IGSF21: variants seen among roughly 807,000 people sequenced by gnomAD.
IGSF21 encodes the protein immunoglobin superfamily member 21.
Under a neutral mutation model 46.8 loss-of-function variants are expected in IGSF21, and 28 were observed. The ratio of observed to expected loss-of-function variants is 0.60; its 90% confidence interval spans 0.44 to 0.82. The LOEUF is 0.82. Ranked by LOEUF, IGSF21 falls within the 40% of genes least tolerant of loss-of-function variation. The pLI is 0.00. For synonymous variants in IGSF21, 284 were observed against 273.6 expected (o/e 1.04, Z -0.38); for missense variants, 624 against 665.5 (o/e 0.94, Z 0.69).
At chr1:18,156,375 C>A (rs759219178) in intron 1 of IGSF21, among the ~76,000 whole-genome samples, 5 of 152,202 alleles carry the variant, frequency 3.3e-5, no homozygotes, top group Admixed American at 3.3e-4. Context: ...GCCCACTCTG[C>A]GTCTCCTCCT....
intron 3 of IGSF21, among the ~76,000 whole-genome samples, chr1:18,293,044 A>C (rs541807288): frequency 3.9e-5 from 6 of 152,336 alleles, no homozygotes; most frequent in Admixed American, 3.9e-4. Flanking sequence ...CTGTGGCACC[A>C]TGCTATGTGG....
chr1:18,378,474 A>G lies in IGSF21; in HGVS notation c.*148A>G, dbSNP rs2086309801. 4.4e-6 allele frequency: 3 copies of G among 676,488 alleles called. No homozygotes were observed. Among genetic ancestry groups the G allele is most frequent in the African/African-American group, 1.8e-5 (1 of 55,208 alleles). The allele number at this position is 676,488 out of a possible 1,614,324, so 41.9% of individuals were successfully genotyped here. On this transcript the variant is annotated 3_prime_UTR_variant, in exon 10 of 10. Coordinates refer to ENST00000251296, the MANE Select transcript of IGSF21 (RefSeq NM_032880.5). ...CGGTTTAATTAAAACAAACAGAACA[A>G]TTTTCCCCACCTCGGTTTGTGGCTC...
chr1:18,348,295 T>A (rs2085915392), intron 4 of IGSF21, among the ~76,000 whole-genome samples: 3 of 152,194 alleles, frequency 2.0e-5, no homozygotes, highest in Admixed American at 2.0e-4. Flanking sequence ...GCTTCTGGAA[T>A]TATCTAGGCA....
chr1:18,336,510 C>G (rs1569834724), intron 4 of IGSF21, among the ~76,000 whole-genome samples: 4 of 152,330 alleles, frequency 2.6e-5, no homozygotes, highest in East Asian at 1.9e-4. Context: ...CCTATGATAT[C>G]AGGCAGCTCA....
intron 3 of IGSF21, among the ~76,000 whole-genome samples, chr1:18,305,100 T>A (rs752987632): frequency 6.6e-6 from 1 of 152,130 alleles, no homozygotes; most frequent in Non-Finnish European, 1.5e-5. Flanking sequence ...CCTGGGAAAG[T>A]AAGGCTGAGA....
intron 2 of IGSF21, among the ~76,000 whole-genome samples, chr1:18,282,960 A>G (rs929321384): frequency 2.0e-5 from 3 of 152,188 alleles, no homozygotes; most frequent in Non-Finnish European, 2.9e-5. Context: ...CTACGGATGC[A>G]CAGATGCACA....
intron 2 of IGSF21, among the ~76,000 whole-genome samples, chr1:18,266,077 G>A (rs2084986981): frequency 6.6e-6 from 1 of 152,114 alleles, no homozygotes; most frequent in South Asian, 2.1e-4. Flanking sequence ...TACCCTGCAG[G>A]CTCTGGAATA....
intron 1 of IGSF21, among the ~76,000 whole-genome samples, chr1:18,203,370 G>A (rs906090217): frequency 3.3e-5 from 5 of 152,112 alleles, no homozygotes; most frequent in East Asian, 1.9e-4. Flanking sequence ...GTGCAGTGGC[G>A]CGATCTTGGC....
rs767046663 is a variant in IGSF21, at chr1:18,334,912, C to T, written c.326C>T (p.Ser109Leu). 5.6e-6 allele frequency: 9 copies of T among 1,614,100 alleles called. No individual in the cohort carries two copies. The highest frequency in any genetic ancestry group is 5.9e-6 in the Non-Finnish European group (7 of 1,179,956). The change falls in exon 4 of 10, where the codon TCA becomes TTA. Residue 109 changes from serine (S) to leucine (L), a missense_variant. Transcript: ENST00000251296. This position sits in a 1 kb window ranked among gnomAD's most constrained non-coding sequence, Gnocchi z 4.3. The part of the protein sequence containing the change: ...STVRLPEVRI[S>L]DNGPYECHVG... Reference sequence around the variant, plus strand: ...CCCAGGCTGCCCGAGGTCCGGATCTCAGACAATGGTCCCTATGAGTGCCAT... The same window carrying T: ...CCCAGGCTGCCCGAGGTCCGGATCTTAGACAATGGTCCCTATGAGTGCCAT...
chr1:18,363,075 A>G (rs2086119397), intron 5 of IGSF21, among the ~76,000 whole-genome samples: 1 of 152,202 alleles, frequency 6.6e-6, no homozygotes, highest in African/African-American at 2.4e-5. Context: ...AAAAGTGAAG[A>G]GAGGCCAAGT....
At chr1:18,186,593 A>G (rs1226536131) in intron 1 of IGSF21, among the ~76,000 whole-genome samples, 1 of 152,178 alleles carries the variant, frequency 6.6e-6, no homozygotes, top group Non-Finnish European at 1.5e-5. Flanking sequence ...TTGTCCTTTT[A>G]GAATCCACTC....
chr1:18,209,718 G>A (rs549325868), intron 1 of IGSF21, among the ~76,000 whole-genome samples: 98 of 150,692 alleles, frequency 6.5e-4, no homozygotes, highest in African/African-American at 2.2e-3. Context: ...CCTTGGCCTC[G>A]TAAAGTGCTG....
chr1:18,294,614 A>C (rs573093069), intron 3 of IGSF21, among the ~76,000 whole-genome samples: 1 of 152,358 alleles, frequency 6.6e-6, no homozygotes, highest in East Asian at 1.9e-4. Context: ...CTGAGGTCAC[A>C]CAGCGGCCCT....
At chr1:18,221,822 G>A (rs1003420961) in intron 1 of IGSF21, among the ~76,000 whole-genome samples, 1 of 152,134 alleles carries the variant, frequency 6.6e-6, no homozygotes, top group African/African-American at 2.4e-5. Context: ...GTAATTGGTG[G>A]ATTTGCTTCT....
intron 1 of IGSF21, among the ~76,000 whole-genome samples, chr1:18,164,617 G>A (rs534091320): frequency 2.7e-4 from 41 of 152,194 alleles, no homozygotes; most frequent in African/African-American, 8.7e-4. Flanking sequence ...TTAACTGATC[G>A]TGAAGGAGGT....
intron 1 of IGSF21, among the ~76,000 whole-genome samples, chr1:18,212,658 C>T (rs2084404090): frequency 6.6e-6 from 1 of 152,220 alleles, no homozygotes; most frequent in Non-Finnish European, 1.5e-5. Context: ...TTGCTGACTG[C>T]ACCACCAGCC....
At chr1:18,277,225 C>T (rs1199045127) in intron 2 of IGSF21, among the ~76,000 whole-genome samples, 2 of 152,362 alleles carry the variant, frequency 1.3e-5, no homozygotes, top group Admixed American at 1.3e-4. Flanking sequence ...TGCCTCTTGT[C>T]TCAGGCCGAT....
At chr1:18,211,852 G>A (rs1445853377) in intron 1 of IGSF21, among the ~76,000 whole-genome samples, 2 of 152,174 alleles carry the variant, frequency 1.3e-5, no homozygotes, top group African/African-American at 2.4e-5. Context: ...TCATGATTCT[G>A]AGTAATGTTG....
At chr1:18,204,294 G>A (rs1004700713) in intron 1 of IGSF21, among the ~76,000 whole-genome samples, 5 of 152,334 alleles carry the variant, frequency 3.3e-5, no homozygotes, top group East Asian at 1.9e-4. Context: ...TGGCAGAGCT[G>A]GGATTTGAAC....
Sources: allele counts gnomAD v4.1 joint callset (sites outside exome capture counted in the v4.1 genomes callset), GRCh38; gene constraint gnomAD v4.1.1; non-coding constraint Gnocchi (gnomAD v3.1); transcripts MANE v1.5; gene names NCBI Gene and HGNC (gene_info 2026-07-23, HGNC 2026-07-21).